Variants in FBXL17 observed in about 807,000 individuals in gnomAD.
FBXL17 encodes the protein F-box/LRR-repeat protein 17.
A neutral mutation model predicts 66.2 loss-of-function variants in FBXL17; 22 were observed. The ratio of observed to expected loss-of-function variants is 0.33; its 90% CI spans 0.24 to 0.47. The LOEUF is 0.47. FBXL17 is among the 20% of genes least tolerant of loss of function. The probability of loss-of-function intolerance (pLI) is 1.00; values close to 1 mark genes in which losing one functional copy is unlikely to be tolerated. For synonymous variants in FBXL17, 474 were observed against 400.5 expected (o/e 1.18, Z -2.19); for missense variants, 878 against 948.2 (o/e 0.93, Z 0.97).
chr5:108,203,328 G>A (rs1413034411), intron 5 of FBXL17, among the ~76,000 whole-genome samples: 2 of 151,884 alleles, frequency 1.3e-5, no homozygotes, highest in South Asian at 2.1e-4. Context: ...ATTTGTCCTA[G>A]GTCATACAAT....
At chr5:107,905,734 A>T (rs2112538974) in intron 7 of FBXL17, among the ~76,000 whole-genome samples, 1 of 152,270 alleles carries the variant, frequency 6.6e-6, no homozygotes, top group Non-Finnish European at 1.5e-5. Flanking sequence ...CTAAAAGATT[A>T]TTTTCAAGAC....
chr5:107,975,254 A>G (rs1390398189), intron 7 of FBXL17, among the ~76,000 whole-genome samples: 1 of 152,176 alleles, frequency 6.6e-6, no homozygotes, highest in East Asian at 1.9e-4. Context: ...CATCCAGGAT[A>G]AGACAGGCTG....
At chr5:108,272,160 G>A (rs1298999404) in intron 4 of FBXL17, among the ~76,000 whole-genome samples, 1 of 151,928 alleles carries the variant, frequency 6.6e-6, no homozygotes, top group Non-Finnish European at 1.5e-5. Context: ...GTGTTGTGGT[G>A]GGCACTTGTA....
intron 1 of FBXL17, among the ~76,000 whole-genome samples, chr5:108,380,179 A>G (rs1749742672): frequency 6.6e-6 from 1 of 152,192 alleles, no homozygotes; most frequent in African/African-American, 2.4e-5. Flanking sequence ...AAATAAAGAT[A>G]TTAACAGTAT....
chr5:108,137,849 C>T (rs1055705552), intron 6 of FBXL17, among the ~76,000 whole-genome samples: 8 of 152,094 alleles, frequency 5.3e-5, no homozygotes, highest in Admixed American at 5.2e-4. Context: ...AGGTCCAGTA[C>T]GAACTGGATG....
intron 7 of FBXL17, among the ~76,000 whole-genome samples, chr5:107,927,996 T>C (rs1750589077): frequency 6.6e-6 from 1 of 152,100 alleles, no homozygotes; most frequent in African/African-American, 2.4e-5. Context: ...TGACTGCATT[T>C]CTCACCATCT....
intron 6 of FBXL17, among the ~76,000 whole-genome samples, chr5:108,133,204 T>A (rs1274638315): frequency 1.3e-5 from 2 of 152,178 alleles, no homozygotes; most frequent in East Asian, 3.9e-4. Context: ...GAAGTAAATT[T>A]TAAACTTCTC....
chr5:108,263,610 G>T (rs759551515), intron 4 of FBXL17, among the ~76,000 whole-genome samples: 1 of 152,098 alleles, frequency 6.6e-6, no homozygotes, highest in African/African-American at 2.4e-5. Context: ...AACCACAGTT[G>T]TCAGCAATAA....
intron 4 of FBXL17, among the ~76,000 whole-genome samples, chr5:108,291,074 T>TA (rs772769391): frequency 3.6e-4 from 55 of 152,302 alleles, no homozygotes; most frequent in Non-Finnish European, 4.7e-4. Flanking sequence ...ATCCAAAACC[T>TA]ACACTCATGT....
At chr5:108,184,729 C>G (rs980482588) in intron 6 of FBXL17, among the ~76,000 whole-genome samples, 4 of 82,162 alleles carry the variant, frequency 4.9e-5, no homozygotes, top group Non-Finnish European at 8.8e-5. Flanking sequence ...GCCCGGGTGC[C>G]AAAGCAAGAC....
chr5:108,298,160 T>TA (rs1379085367), intron 4 of FBXL17: 1 of 974,502 alleles, frequency 1.0e-6, no homozygotes, highest in Non-Finnish European at 1.2e-6. Flanking sequence ...GCAAGAAACA[T>TA]AAAGTACCCT....
intron 5 of FBXL17, among the ~76,000 whole-genome samples, chr5:108,209,704 C>T (rs977858651): frequency 1.7e-4 from 26 of 152,064 alleles, no homozygotes; most frequent in Admixed American, 1.6e-3. Context: ...CTGTTGAATT[C>T]GGTTTGCCAG....
At chr5:108,353,477 G>A (rs576489434) in intron 3 of FBXL17, among the ~76,000 whole-genome samples, 2 of 152,332 alleles carry the variant, frequency 1.3e-5, no homozygotes, top group South Asian at 4.1e-4. Flanking sequence ...AGCTCTACCA[G>A]GTCTTCACGG....
chr5:108,122,113 C>A (rs185115716), intron 6 of FBXL17, among the ~76,000 whole-genome samples: 1 of 151,980 alleles, frequency 6.6e-6, no homozygotes, highest in Non-Finnish European at 1.5e-5. Flanking sequence ...TTATTATGTA[C>A]CAGGTACTAT....
chr5:108,372,535 T>A (rs186098790), intron 1 of FBXL17, among the ~76,000 whole-genome samples: 2 of 151,692 alleles, frequency 1.3e-5, no homozygotes, highest in East Asian at 1.9e-4. Flanking sequence ...GCAAGAAAAA[T>A]GCAACTCGTG....
chr5:108,193,834 T>C (rs1335742225), intron 5 of FBXL17, among the ~76,000 whole-genome samples: 1 of 152,154 alleles, frequency 6.6e-6, no homozygotes, highest in Non-Finnish European at 1.5e-5. Context: ...ACTGCCTTCT[T>C]AATCACACTG....
At chr5:108,020,816 G>A in intron 7 of FBXL17, 109 bp downstream of exon 7, 1 of 759,754 alleles carries the variant, frequency 1.3e-6, no homozygotes, top group Non-Finnish European at 2.2e-6. Context: ...GAGCATAAGT[G>A]ACGATAGACA....
At chr5:108,011,085 T>G (rs288185) in intron 7 of FBXL17, among the ~76,000 whole-genome samples, 88,025 of 152,086 alleles carry the variant, frequency 0.58, 27,490 homozygotes, top group East Asian at 0.93. Context: ...ATTATTTTAA[T>G]GTTAAATTTA....
At chr5:108,069,851 A>T (rs1445116621) in intron 6 of FBXL17, among the ~76,000 whole-genome samples, 2 of 151,912 alleles carry the variant, frequency 1.3e-5, no homozygotes, top group African/African-American at 4.8e-5. Context: ...CTGATAACGG[A>T]TTTTTTTTCA....
Sources: allele counts gnomAD v4.1 joint callset (sites outside exome capture counted in the v4.1 genomes callset), GRCh38; gene constraint gnomAD v4.1.1; transcripts MANE v1.5; gene names NCBI Gene and HGNC (gene_info 2026-07-23, HGNC 2026-07-21).